ANKIB1: variants seen among roughly 807,000 people sequenced by gnomAD.
ANKIB1 encodes the protein ankyrin repeat and IBR domain-containing protein 1.
ANKIB1 carries 43 observed loss-of-function variants against 122.1 expected under a neutral mutation model. That is an observed-to-expected ratio of 0.35 (90% CI 0.28 to 0.45). ANKIB1 has a LOEUF of 0.45. ANKIB1 is among the 20% of genes least tolerant of loss of function. ANKIB1 has a pLI of 1.00. For missense variants in ANKIB1, 992 were observed against 1,329.5 expected (o/e 0.75, Z 3.95); for synonymous variants, 390 against 442.0 (o/e 0.88, Z 1.48).
intron 10 of ANKIB1, among the ~76,000 whole-genome samples, chr7:92,364,307 ATCT>A: frequency 8.2e-6 from 1 of 121,830 alleles, no homozygotes; most frequent in Admixed American, 8.7e-5. Flanking sequence ...GCAAGACTCC[ATCT>A]AAAAAAAAAA....
At chr7:92,308,850 A>G (rs1802626258) in intron 3 of ANKIB1, among the ~76,000 whole-genome samples, 1 of 152,138 alleles carries the variant, frequency 6.6e-6, no homozygotes, top group African/African-American at 2.4e-5. Context: ...AGCATATTAG[A>G]CTGGATTACA....
intron 10 of ANKIB1, among the ~76,000 whole-genome samples, chr7:92,365,502 T>A (rs1177371772): frequency 6.6e-6 from 1 of 151,812 alleles, no homozygotes; most frequent in Non-Finnish European, 1.5e-5. Flanking sequence ...CAGACAGGAG[T>A]CCAAATCAAG....
At chr7:92,358,134 C>T (rs1364884219) in intron 9 of ANKIB1, among the ~76,000 whole-genome samples, 1 of 151,804 alleles carries the variant, frequency 6.6e-6, no homozygotes, top group Non-Finnish European at 1.5e-5. Flanking sequence ...CCCATCTACT[C>T]GGGAGGCTGA....
intron 1 of ANKIB1, among the ~76,000 whole-genome samples, chr7:92,262,333 C>T (rs542992804): frequency 2.0e-5 from 3 of 152,262 alleles, no homozygotes; most frequent in Non-Finnish European, 4.4e-5. Context: ...GTAATAGGGG[C>T]TTTGCTGAGA....
At chr7:92,383,958 T>C (rs1804577424) in intron 11 of ANKIB1, among the ~76,000 whole-genome samples, 1 of 152,200 alleles carries the variant, frequency 6.6e-6, no homozygotes, top group African/African-American at 2.4e-5. Context: ...TGTCCCTGTT[T>C]GCAGATGACA....
chr7:92,289,251 AG>A (rs1252638281), intron 1 of ANKIB1, among the ~76,000 whole-genome samples: 1 of 152,224 alleles, frequency 6.6e-6, no homozygotes, highest in African/African-American at 2.4e-5. Context: ...TAAAATGTTA[AG>A]CAAGAGCTAA....
chr7:92,297,292 A>T (rs1386126443), intron 2 of ANKIB1, among the ~76,000 whole-genome samples: 1 of 152,202 alleles, frequency 6.6e-6, no homozygotes, highest in Non-Finnish European at 1.5e-5. Context: ...CTATAGTCGT[A>T]TCAGCTTATG....
chr7:92,351,122 A>C, intron 8 of ANKIB1, 28 bp downstream of exon 8: 1 of 1,428,970 alleles, frequency 7.0e-7, no homozygotes, highest in Non-Finnish European at 9.2e-7. Context: ...TTATCTGTCC[A>C]ATTTCCATAA....
chr7:92,387,696 C>G, intron 12 of ANKIB1, 102 bp from the exon 13 acceptor site: 1 of 761,862 alleles, frequency 1.3e-6, no homozygotes, highest in Non-Finnish European at 2.1e-6. Context: ...TCTGAATGCA[C>G]TACTACCTAT....
chr7:92,388,504 A>C (rs903309094), intron 14 of ANKIB1, among the ~76,000 whole-genome samples: 4 of 150,330 alleles, frequency 2.7e-5, no homozygotes, highest in Admixed American at 1.3e-4. Context: ...ACTGGTAAAT[A>C]ATGAACATTG....
At chr7:92,348,122 C>G in intron 7 of ANKIB1, 1 of 314,012 alleles carries the variant, frequency 3.2e-6, no homozygotes, top group Non-Finnish European at 6.2e-6. Flanking sequence ...ATAATATGGC[C>G]AACAGAACTG....
chr7:92,345,813 A>G (rs62467841), intron 7 of ANKIB1, among the ~76,000 whole-genome samples: 1 of 151,848 alleles, frequency 6.6e-6, no homozygotes, highest in Admixed American at 6.6e-5. Flanking sequence ...TTTTTTTTAA[A>G]TAGAGTATCA....
At chr7:92,364,490 A>C (rs901169716) in intron 10 of ANKIB1, among the ~76,000 whole-genome samples, 5 of 152,000 alleles carry the variant, frequency 3.3e-5, no homozygotes, top group Admixed American at 6.6e-5. Flanking sequence ...GCACCTTTAG[A>C]TGTGACAAAA....
At position 92,398,670 on chromosome 7, in the gene ANKIB1, A is replaced by C; in HGVS notation, c.2991A>C (p.Ala997=). ...CTCCAGCAACTACAGAAATCAGTGC[A>C]GATTCCCAGCTCCCCTGTATCAAAG... ...LIPPATTEIS[A]DSQLPCIKDG... The change falls in exon 20 of 20, where the codon GCA becomes GCC. Residue 997 remains alanine (A), a synonymous_variant. Transcript: ENST00000265742. The C allele has an allele frequency of 6.2e-7, 1 of 1,613,966 alleles. No individual in the cohort carries two copies. The highest frequency in any genetic ancestry group is 8.5e-7 in the Non-Finnish European group (1 of 1,179,858).
chr7:92,387,631 G>A (rs1032434832), intron 12 of ANKIB1, among the ~76,000 whole-genome samples, 167 bp from the exon 13 acceptor site: 69 of 149,532 alleles, frequency 4.6e-4, no homozygotes, highest in African/African-American at 1.3e-3. Flanking sequence ...GCGAGACTCC[G>A]TCTCAAAAAA....
intron 2 of ANKIB1, among the ~76,000 whole-genome samples, chr7:92,304,881 G>A (rs957619845): frequency 3.3e-5 from 5 of 151,922 alleles, no homozygotes; most frequent in African/African-American, 9.7e-5. Context: ...CCATATTCTT[G>A]CCTCCCCTAA....
At chr7:92,251,603 A>G (rs1801332306) in intron 1 of ANKIB1, among the ~76,000 whole-genome samples, 2 of 152,186 alleles carry the variant, frequency 1.3e-5, no homozygotes, top group Non-Finnish European at 1.5e-5. Flanking sequence ...TATTTTGCTT[A>G]CTTTCTTCCA....
intron 11 of ANKIB1, among the ~76,000 whole-genome samples, chr7:92,375,527 A>T (rs115227892): frequency 2.3e-4 from 35 of 152,280 alleles, no homozygotes; most frequent in African/African-American, 7.7e-4. Context: ...CTTCTCCCCA[A>T]TTCAAGTTTT....
At chr7:92,381,004 C>G (rs889838494) in intron 11 of ANKIB1, among the ~76,000 whole-genome samples, 3 of 151,996 alleles carry the variant, frequency 2.0e-5, no homozygotes, top group Non-Finnish European at 2.9e-5. Context: ...AGGTAAAAAC[C>G]TTGAAAAAAG....
Sources: allele counts gnomAD v4.1 joint callset (sites outside exome capture counted in the v4.1 genomes callset), GRCh38; gene constraint gnomAD v4.1.1; transcripts MANE v1.5; gene names NCBI Gene and HGNC (gene_info 2026-07-23, HGNC 2026-07-21).